Variants in SFMBT2 observed in about 807,000 individuals in gnomAD.
The protein encoded by SFMBT2 is Scm like with four mbt domains 2, also known as scm-like with four MBT domains protein 2.
In SFMBT2, 38 loss-of-function variants were observed where a neutral mutation model predicts 110.1. The observed-to-expected ratio is 0.35, with a 90% CI of 0.27 to 0.45. The LOEUF is 0.45. Among genes scored for constraint, SFMBT2 ranks in the 20% least tolerant of loss-of-function variants. The probability of loss-of-function intolerance (pLI) is 1.00; values close to 1 mark genes in which losing one functional copy is unlikely to be tolerated. For missense variants in SFMBT2, 1,011 were observed against 1,094.9 expected (o/e 0.92, Z 1.08); for synonymous variants, 425 against 425.4 (o/e 1.00, Z 0.01).
At chr10:7,278,276 C>T (rs1841843329) in intron 6 of SFMBT2, among the ~76,000 whole-genome samples, 1 of 152,168 alleles carries the variant, frequency 6.6e-6, no homozygotes, top group Admixed American at 6.5e-5. Flanking sequence ...CTGATGTCCA[C>T]AGTGAGAAGG....
At chr10:7,384,136 G>A (rs1335592789) in intron 1 of SFMBT2, among the ~76,000 whole-genome samples, 17 of 150,538 alleles carry the variant, frequency 1.1e-4, no homozygotes, top group Non-Finnish European at 2.2e-4. Context: ...GCTTGAACCC[G>A]GGAGGCGGAG....
intron 10 of SFMBT2, among the ~76,000 whole-genome samples, chr10:7,221,894 A>C (rs1185674068): frequency 6.6e-6 from 1 of 152,146 alleles, no homozygotes. Context: ...CTTCACCCCC[A>C]AAATACCCTT....
chr10:7,299,924 A>G (rs1188829205), intron 4 of SFMBT2, among the ~76,000 whole-genome samples: 1 of 152,202 alleles, frequency 6.6e-6, no homozygotes, highest in African/African-American at 2.4e-5. Flanking sequence ...GGTAGACTCA[A>G]TAAGGAAAAT....
chr10:7,296,834 T>C (rs1472759294), intron 4 of SFMBT2, among the ~76,000 whole-genome samples: 3 of 152,212 alleles, frequency 2.0e-5, no homozygotes, highest in African/African-American at 7.2e-5. Flanking sequence ...CCCAATCAGT[T>C]GAAGGCCTGG....
chr10:7,373,205 T>A (rs998840311), intron 2 of SFMBT2, among the ~76,000 whole-genome samples: 3 of 152,102 alleles, frequency 2.0e-5, no homozygotes, highest in Non-Finnish European at 4.4e-5. Flanking sequence ...AGTGGGTTGT[T>A]AAGACCCTGG....
At chr10:7,343,769 G>A (rs1266468671) in intron 4 of SFMBT2, among the ~76,000 whole-genome samples, 1 of 152,112 alleles carries the variant, frequency 6.6e-6, no homozygotes, top group Non-Finnish European at 1.5e-5. Context: ...GATGTTGGTG[G>A]AATAAGGTGA....
rs201198200 is a variant in SFMBT2, at chr10:7,233,094, AC to A, written c.1121-5158del. ...AACTCCTCTTCTATCCTGGGTGGCTACGAAAAATACATATACAATCTTAATA... is the reference window on the plus strand; with the variant it reads ...AACTCCTCTTCTATCCTGGGTGGCTAGAAAAATACATATACAATCTTAATA... On this transcript the variant is annotated intron_variant, in intron 9 of 20. Coordinates refer to ENST00000397167, the MANE Select transcript of SFMBT2 (RefSeq NM_001387889.1). Among the ~76,000 whole-genome samples, 33 of 152,350 alleles carry A rather than the reference AC, an allele frequency of 2.2e-4. No individual in the cohort carries two copies. In the East Asian group the frequency reaches 6.2e-3, roughly 28 times the overall value.
chr10:7,265,109 T>G (rs1171474900), intron 7 of SFMBT2, among the ~76,000 whole-genome samples: 1 of 151,834 alleles, frequency 6.6e-6, no homozygotes, highest in Non-Finnish European at 1.5e-5. Flanking sequence ...TAATTTTATG[T>G]TTTGATTTCT....
At position 7,158,889 on chromosome 10, in the gene SFMBT2, T is replaced by C. The variant is rs1254999450; in HGVS notation, c.*4881A>G. ...AGGAATCCAATTTCAATACAAACTATTCAAACTAGAATGCAAAACAGTGAA... is the reference window on the plus strand; with the variant it reads ...AGGAATCCAATTTCAATACAAACTACTCAAACTAGAATGCAAAACAGTGAA... On this transcript the variant is annotated 3_prime_UTR_variant, in exon 21 of 21. Transcript: ENST00000397167. 1.3e-5 allele frequency: 2 copies of C among 152,120 alleles called. No individual in the cohort carries two copies. Among genetic ancestry groups the C allele is most frequent in the Non-Finnish European group, 2.9e-5 (2 of 68,030 alleles). 9.4% of individuals were successfully genotyped at this position (152,120 alleles called of 1,614,324 possible). A position where few individuals can be genotyped will look rare whatever the true frequency, so the allele number is the denominator to read the frequency against.
chr10:7,368,221 T>A, intron 3 of SFMBT2: 1 of 533,758 alleles, frequency 1.9e-6, no homozygotes, highest in Non-Finnish European at 2.4e-6. Context: ...GAATAAAGCC[T>A]CTAAAACCTG....
intron 4 of SFMBT2, among the ~76,000 whole-genome samples, chr10:7,291,144 C>T (rs894715345): frequency 6.6e-6 from 1 of 152,204 alleles, no homozygotes. Context: ...TCCCACATCA[C>T]AGGAGAACAG....
rs530589723 is a variant in SFMBT2 at position 7,403,712 on chromosome 10, G to T, written c.-52+7149C>A. ...CTCACATACAGTAGTAAGCAATCAAGAGGTTACAATCTTAAGACAATGTAT... is the reference window on the plus strand; with the variant it reads ...CTCACATACAGTAGTAAGCAATCAATAGGTTACAATCTTAAGACAATGTAT... On this transcript the variant is annotated intron_variant, in intron 1 of 20. Coordinates refer to ENST00000397167, the MANE Select transcript of SFMBT2 (RefSeq NM_001387889.1). 3.9e-5 allele frequency among the ~76,000 whole-genome samples: 6 copies of T among 152,270 alleles called. No individual in the cohort carries two copies. The South Asian group carries it at 1.2e-3, about 32-fold the overall frequency.
At chr10:7,203,608 G>A in intron 12 of SFMBT2, 21 of 825,572 alleles carry the variant, frequency 2.5e-5, no homozygotes, top group Non-Finnish European at 3.1e-5. Context: ...ACCAGGTTCT[G>A]TTTGAGGGAC....
intron 15 of SFMBT2, among the ~76,000 whole-genome samples, chr10:7,196,617 A>G (rs1030757441): frequency 4.6e-5 from 7 of 152,106 alleles, no homozygotes; most frequent in African/African-American, 9.7e-5. Context: ...TTTTAATCCA[A>G]TGCTTCCGAT....
intron 4 of SFMBT2, among the ~76,000 whole-genome samples, chr10:7,335,122 C>T (rs1843677527): frequency 1.3e-5 from 2 of 152,104 alleles, no homozygotes; most frequent in African/African-American, 2.4e-5. Flanking sequence ...GAAAACAGAA[C>T]GGTGGTTGCC....
intron 7 of SFMBT2, among the ~76,000 whole-genome samples, chr10:7,271,846 C>T (rs985050539): frequency 2.6e-5 from 4 of 152,162 alleles, no homozygotes; most frequent in African/African-American, 9.6e-5. Context: ...TTTTTAAAAC[C>T]ATCAGATCTC....
In SFMBT2 at chr10:7,276,936, G is replaced by T. The variant is rs755396511; in HGVS notation, c.826C>A (p.Leu276Ile). The change falls in exon 7 of 21, where the codon CTT (leucine) becomes ATT (isoleucine). Residue 276 changes from leucine (L) to isoleucine (I), a missense_variant. Physicochemically the swap from Leu to Ile is conservative, Grantham distance 5. Around this residue, in one of 2 missense-constraint regions of SFMBT2, gnomAD observed 979 missense variants for 1,016.1 expected, o/e 0.96. Transcript: ENST00000397167. ...AGAGGAAATTTGGCAGCATCAATAA[G>T]GGATTTTTCCAGAGTACATTTCCAT... Reference protein sequence around the residue: ...SEWKCTLEKSLIDAAKFPLPM... With the variant: ...SEWKCTLEKSIIDAAKFPLPM... 1 of 872,922 alleles carries T rather than the reference G, an allele frequency of 1.1e-6. No homozygotes were observed. Among genetic ancestry groups the T allele is most frequent in the Non-Finnish European group, 2.0e-6 (1 of 501,652 alleles). 54.1% of individuals were successfully genotyped at this position (872,922 alleles called of 1,614,324 possible).
chr10:7,245,741 C>G (rs1365894514), intron 8 of SFMBT2, among the ~76,000 whole-genome samples: 2 of 152,160 alleles, frequency 1.3e-5, no homozygotes, highest in African/African-American at 4.8e-5. Flanking sequence ...ATCTCAACAC[C>G]AAAAACACAC....
chr10:7,265,205 C>T (rs1841343143), intron 7 of SFMBT2, among the ~76,000 whole-genome samples: 1 of 140,540 alleles, frequency 7.1e-6, no homozygotes, highest in Admixed American at 7.1e-5. Context: ...TCCTCCCTCC[C>T]TTCCTTCCTT....
Sources: gnomAD v4.1 joint callset for allele counts (sites outside exome capture counted in the v4.1 genomes callset) on GRCh38, gnomAD v4.1.1 for gene constraint, gnomAD v4.1.1 regional missense constraint, MANE v1.5 for transcripts, NCBI Gene and HGNC (gene_info 2026-07-23, HGNC 2026-07-21) for gene names.